The following FBXO9 variants were observed in gnomAD, a reference collection of about 807,000 sequenced individuals.
The protein encoded by FBXO9 is F-box protein 9.
FBXO9 carries 43 observed loss-of-function variants against 63.7 expected under a neutral mutation model. That is an observed-to-expected ratio of 0.67 (90% CI 0.53 to 0.87). The LOEUF (loss-of-function observed/expected upper bound fraction) is 0.87. Among genes scored for constraint, FBXO9 ranks in the 40% least tolerant of loss-of-function variants. The probability of loss-of-function intolerance (pLI) is 0.00; values close to 1 mark genes in which losing one functional copy is unlikely to be tolerated. For missense variants in FBXO9, 442 were observed against 533.2 expected (o/e 0.83, Z 1.68); for synonymous variants, 156 against 171.7 (o/e 0.91, Z 0.72).
upstream of FBXO9, chr6:53,065,110 G>A (rs985896847): frequency 1.3e-5 from 2 of 152,260 alleles, no homozygotes; most frequent in Non-Finnish European, 2.9e-5. Context: ...GAGGCTCCGA[G>A]GACTTTGTAG....
intron 7 of FBXO9, among the ~76,000 whole-genome samples, chr6:53,082,979 C>T (rs771241557): frequency 2.6e-5 from 4 of 152,142 alleles, no homozygotes; most frequent in Non-Finnish European, 5.9e-5. Flanking sequence ...TAAAACAGCA[C>T]TAGCATTTTC....
At position 53,098,086 on chromosome 6, in the gene FBXO9, G is replaced by T. The variant is rs1763269240; in HGVS notation, c.*256G>T. 4.0e-6 allele frequency: 1 copy of T among 248,044 alleles called. No homozygotes were observed. The highest frequency in any genetic ancestry group is 2.3e-5 in the African/African-American group (1 of 42,688). The allele number at this position is 248,044 out of a possible 1,614,324, so 15.4% of individuals were successfully genotyped here. A position where few individuals can be genotyped will look rare whatever the true frequency, so the allele number is the denominator to read the frequency against. Reference sequence around the variant, plus strand: ...TCCTGGGGTGTTTTGAAATTAAGTTGGAATTAAGTTGCTTAAGCATATTTA... The same window carrying T: ...TCCTGGGGTGTTTTGAAATTAAGTTTGAATTAAGTTGCTTAAGCATATTTA... On this transcript the variant is annotated 3_prime_UTR_variant, in exon 13 of 13. Transcript: ENST00000323557.
chr6:53,075,270 G>A (rs1769057012), intron 3 of FBXO9, among the ~76,000 whole-genome samples: 1 of 151,210 alleles, frequency 6.6e-6, no homozygotes, highest in Admixed American at 6.6e-5. Flanking sequence ...CAAATAGCTG[G>A]GATTACAGGC....
At chr6:53,092,867 C>T (rs1256643379) in intron 9 of FBXO9, 43 bp downstream of exon 9, 3 of 1,346,566 alleles carry the variant, frequency 2.2e-6, no homozygotes. Flanking sequence ...TTCTCTCTCT[C>T]CATGTATTAG....
At position 53,073,477 on chromosome 6, in the gene FBXO9, A is replaced by G. The variant is rs750156058; in HGVS notation, c.91-4A>G. The G allele has an allele frequency of 8.7e-6, 14 of 1,613,218 alleles. No homozygotes were observed. The highest frequency in any genetic ancestry group is 2.2e-5 in the South Asian group (2 of 91,002). On this transcript the variant is annotated splice_polypyrimidine_tract_variant and splice_region_variant and intron_variant, in intron 2 of 12. Coordinates refer to ENST00000323557, the MANE Select transcript of FBXO9 (RefSeq NM_033480.3). The stretch of plus-strand genomic sequence containing the variant: ...TGAGTCCTAAAATGCTGTTCTCCCC[A>G]TAGGCACAACTCCAGATGTTCCGAG...
rs1763101175 is a variant in FBXO9 at position 53,093,342 on chromosome 6, T to C, written c.864-124T>C. The C allele has an allele frequency of 3.4e-6, 2 of 586,948 alleles. 1 individual carries two copies. The highest frequency in any genetic ancestry group is 5.9e-6 in the Non-Finnish European group (2 of 336,954). The allele number at this position is 586,948 out of a possible 1,614,324, so 36.4% of individuals were successfully genotyped here. ...ATTTGTTTTAATGTTTTAGCAGTTCTTTAGCCCGTGGTATTTCAGTGTTGG... is the reference window on the plus strand; with the variant it reads ...ATTTGTTTTAATGTTTTAGCAGTTCCTTAGCCCGTGGTATTTCAGTGTTGG... On this transcript the variant is annotated intron_variant, in intron 9 of 12. Transcript: ENST00000323557.
chr6:53,065,859 G>A, intron 1 of FBXO9, 67 bp downstream of exon 1: 1 of 1,267,230 alleles, frequency 7.9e-7, no homozygotes, highest in Non-Finnish European at 1.0e-6. Flanking sequence ...GAGGGGCCGG[G>A]CCTAGGGCTG....
intron 4 of FBXO9, among the ~76,000 whole-genome samples, chr6:53,077,521 T>A (rs1397652491): frequency 6.6e-6 from 1 of 150,712 alleles, no homozygotes; most frequent in Non-Finnish European, 1.5e-5. Context: ...GTAATATATG[T>A]GTCAGCTTTG....
chr6:53,068,655 T>G (rs1275523368), intron 1 of FBXO9, among the ~76,000 whole-genome samples: 1 of 10,990 alleles, frequency 9.1e-5, no homozygotes, highest in Non-Finnish European at 3.0e-4. Context: ...TATATATGTG[T>G]TTTTTTTTTT....
intron 3 of FBXO9, 146 bp downstream of exon 3, chr6:53,073,785 A>G (rs2127488996): frequency 1.6e-6 from 1 of 635,778 alleles, no homozygotes; most frequent in South Asian, 2.4e-5. Flanking sequence ...CTAGTATACT[A>G]GTTTATATAT....
chr6:53,073,736 C>T (rs546893493), intron 3 of FBXO9, 97 bp downstream of exon 3: 380 of 1,026,778 alleles, frequency 3.7e-4, no homozygotes, highest in Non-Finnish European at 4.8e-4. Context: ...ACCAGACTTT[C>T]GGGACATAAA....
chr6:53,079,360 A>T (rs1340126425), intron 5 of FBXO9, among the ~76,000 whole-genome samples: 1 of 152,176 alleles, frequency 6.6e-6, no homozygotes, highest in Non-Finnish European at 1.5e-5. Context: ...GCTTCTAATT[A>T]GGAAAATGCT....
In FBXO9 at chr6:53,082,503, G is replaced by T; in HGVS notation, c.539-1G>T. On this transcript the variant is annotated splice_acceptor_variant, in intron 6 of 12. Coordinates refer to ENST00000323557, the MANE Select transcript of FBXO9 (RefSeq NM_033480.3). LOFTEE classifies it high-confidence loss of function. Reference sequence around the variant, plus strand: ...CACTGAAGGATGATTTTCTTTTGCAGTGCTGCCAATGGAGGTCCTGATGTA... The same window carrying T: ...CACTGAAGGATGATTTTCTTTTGCATTGCTGCCAATGGAGGTCCTGATGTA... The T allele has an allele frequency of 6.2e-7, 1 of 1,607,526 alleles. No homozygotes were observed. Among genetic ancestry groups the T allele is most frequent in the Non-Finnish European group, 8.5e-7 (1 of 1,175,250 alleles).
chr6:53,069,298 C>A (rs1768825206), intron 1 of FBXO9, among the ~76,000 whole-genome samples: 1 of 152,130 alleles, frequency 6.6e-6, no homozygotes, highest in Non-Finnish European at 1.5e-5. Flanking sequence ...ATTAAACTTA[C>A]CTGTGAAGAA....
intron 3 of FBXO9, 55 bp from the exon 4 acceptor site, chr6:53,076,431 T>A: frequency 9.1e-7 from 1 of 1,095,648 alleles, no homozygotes; most frequent in Non-Finnish European, 1.3e-6. Context: ...CCTTCTGCCA[T>A]CCATACTAAT....
intron 1 of FBXO9, among the ~76,000 whole-genome samples, chr6:53,068,262 C>T (rs1243261347): frequency 6.6e-6 from 1 of 152,190 alleles, no homozygotes; most frequent in Non-Finnish European, 1.5e-5. Context: ...GTTTCATTTC[C>T]TAATAAATCT....
At chr6:53,073,696 T>A in intron 3 of FBXO9, 57 bp downstream of exon 3, 2 of 1,403,760 alleles carry the variant, frequency 1.4e-6, no homozygotes, top group Non-Finnish European at 9.6e-7. Flanking sequence ...CACATGGAAA[T>A]TTTCACTGAC....
At chr6:53,084,593 T>C (rs1394260704) in intron 7 of FBXO9, among the ~76,000 whole-genome samples, 1 of 152,218 alleles carries the variant, frequency 6.6e-6, no homozygotes, top group Non-Finnish European at 1.5e-5. Flanking sequence ...GTCATGATAT[T>C]GTTGTGTGGC....
chr6:53,085,982 G>T (rs1020893273), intron 7 of FBXO9, among the ~76,000 whole-genome samples: 1 of 151,624 alleles, frequency 6.6e-6, no homozygotes, highest in African/African-American at 2.4e-5. Context: ...AAACCCCGTC[G>T]CTACTAAAAA....
Sources: allele counts gnomAD v4.1 joint callset (sites outside exome capture counted in the v4.1 genomes callset), GRCh38; gene constraint gnomAD v4.1.1; transcripts MANE v1.5; gene names NCBI Gene and HGNC (gene_info 2026-07-23, HGNC 2026-07-21).